The following TMPRSS11A variants were observed in gnomAD, a reference collection of about 807,000 sequenced individuals.
TMPRSS11A encodes transmembrane serine protease 11A, also known as transmembrane protease serine 11A.
Under a neutral mutation model 58.9 loss-of-function variants are expected in TMPRSS11A, and 53 were observed. The ratio of observed to expected loss-of-function variants is 0.90; its 90% CI spans 0.72 to 1.13. The LOEUF (loss-of-function observed/expected upper bound fraction) is 1.13. Ranked by LOEUF, TMPRSS11A falls within the 50% of genes most tolerant of loss-of-function variation. The probability of loss-of-function intolerance (pLI) is 0.00; values close to 1 mark genes in which losing one functional copy is unlikely to be tolerated. For missense variants in TMPRSS11A, 493 were observed against 499.3 expected, an observed-to-expected ratio of 0.99 and a Z score of 0.12; for synonymous variants, 167 against 169.8, an observed-to-expected ratio of 0.98 and a Z score of 0.13.
At chr4:67,923,209 A>G (rs1401020193) in intron 6 of TMPRSS11A, among the ~76,000 whole-genome samples, 1 of 152,114 alleles carries the variant, frequency 6.6e-6, no homozygotes, top group Non-Finnish European at 1.5e-5. Flanking sequence ...TGATTTATTT[A>G]TATCTTTCTC....
intron 9 of TMPRSS11A, among the ~76,000 whole-genome samples, chr4:67,912,287 C>G (rs1356016551): frequency 6.6e-6 from 1 of 151,188 alleles, no homozygotes; most frequent in African/African-American, 2.4e-5. Context: ...TATCAACACA[C>G]ACACACACAC....
At chr4:67,948,876 T>C (rs1428626641) in intron 1 of TMPRSS11A, among the ~76,000 whole-genome samples, 1 of 152,132 alleles carries the variant, frequency 6.6e-6, no homozygotes, top group African/African-American at 2.4e-5. Flanking sequence ...TCCAGTATAA[T>C]AGAACTACTA....
chr4:67,938,177 G>A (rs1720797011), intron 3 of TMPRSS11A, among the ~76,000 whole-genome samples: 2 of 152,136 alleles, frequency 1.3e-5, no homozygotes, highest in Admixed American at 6.5e-5. Flanking sequence ...TTGTTCATAT[G>A]TTTCTTGACT....
At chr4:67,912,886 G>A (rs73825611) in intron 9 of TMPRSS11A, among the ~76,000 whole-genome samples, 4,426 of 151,704 alleles carry the variant, frequency 0.029, 210 homozygotes, top group African/African-American at 0.1. Context: ...TTTTTATATT[G>A]TACACTCGCG....
intron 2 of TMPRSS11A, among the ~76,000 whole-genome samples, chr4:67,945,029 G>C (rs1190329283): frequency 6.6e-6 from 1 of 152,148 alleles, no homozygotes; most frequent in Non-Finnish European, 1.5e-5. Context: ...TTGCTACATT[G>C]CTCCTTGCTG....
At chr4:67,915,379 A>G (rs1207758535) in intron 8 of TMPRSS11A, among the ~76,000 whole-genome samples, 1 of 152,106 alleles carries the variant, frequency 6.6e-6, no homozygotes, top group Non-Finnish European at 1.5e-5. Context: ...CAAACCATAT[A>G]TTGATTGGGA....
At chr4:67,933,287 T>G (rs577116301) in intron 3 of TMPRSS11A, among the ~76,000 whole-genome samples, 14 of 152,290 alleles carry the variant, frequency 9.2e-5, no homozygotes, top group African/African-American at 3.4e-4. Context: ...CTGTTAGAAA[T>G]CTGTGACTCA....
At chr4:67,922,475 TTG>T (rs1182818494) in intron 7 of TMPRSS11A, among the ~76,000 whole-genome samples, 2 of 152,218 alleles carry the variant, frequency 1.3e-5, no homozygotes, top group African/African-American at 4.8e-5. Flanking sequence ...AGTGAATATT[TTG>T]TGTTAGGATG....
chr4:67,920,544 TATATA>T lies in TMPRSS11A; in HGVS notation c.693-1317_693-1313del, dbSNP rs1393511302. Reference sequence around the variant, plus strand: ...TGAGGTAATTATATATATATATATATATATATTTTTTTTTATATATACACACACAC... The same window carrying T: ...TGAGGTAATTATATATATATATATATTTTTTTTTTATATATACACACACAC... On this transcript the variant is annotated intron_variant, in intron 7 of 9. Transcript: ENST00000508048. Among the ~76,000 whole-genome samples the T allele has an allele frequency of 9.5e-4, 80 of 83,948 alleles. 1 individual carries two copies. Among genetic ancestry groups the T allele is most frequent in the African/African-American group, 3.7e-3 (76 of 20,302 alleles). The allele number at this position is 83,948 out of a possible 152,430, so 55.1% of individuals were successfully genotyped here.
Position 67,930,039 on chromosome 4 carries a change from G to A in TMPRSS11A, c.322C>T (p.Pro108Ser). The part of the protein sequence containing the change: ...YIKNQVVRLT[P>S]EEDGVKVDVI... ...TCTACTTTCACACCATCTTCCTCTGGACTGTGACACACAAAAGAAAGGTAC... is the reference window on the plus strand; with the variant it reads ...TCTACTTTCACACCATCTTCCTCTGAACTGTGACACACAAAAGAAAGGTAC... Residue 108 changes from proline (P) to serine (S), a missense_variant and splice_region_variant, in exon 5 of 10, where the codon CCA becomes TCA. Transcript: ENST00000508048. 6.2e-7 allele frequency: 1 copy of A among 1,604,992 alleles called. No homozygotes were observed. The highest frequency in any genetic ancestry group is 8.5e-7 in the Non-Finnish European group (1 of 1,174,216).
chr4:67,939,256 C>T (rs143646754), intron 3 of TMPRSS11A, among the ~76,000 whole-genome samples: 1,656 of 152,240 alleles, frequency 0.011, 27 homozygotes, highest in African/African-American at 0.037. Context: ...GAATTTTGTA[C>T]ATTGATTTTG....
At chr4:67,933,964 A>G (rs542501453) in intron 3 of TMPRSS11A, among the ~76,000 whole-genome samples, 5 of 152,306 alleles carry the variant, frequency 3.3e-5, no homozygotes, top group African/African-American at 1.2e-4. Flanking sequence ...GACATCATCA[A>G]TCTGGCACCG....
At chr4:67,957,710 G>T (rs1461615030) in intron 1 of TMPRSS11A, among the ~76,000 whole-genome samples, 1 of 152,166 alleles carries the variant, frequency 6.6e-6, no homozygotes, top group African/African-American at 2.4e-5. Context: ...GCCGGCTGCA[G>T]AAATTTGCAT....
rs990677146 is a variant in TMPRSS11A, at chr4:67,909,757, AAT to A, written c.*1583_*1584del. 1.3e-5 allele frequency: 2 copies of A among 152,220 alleles called. No individual in the cohort carries two copies. The highest frequency in any genetic ancestry group is 4.8e-5 in the African/African-American group (2 of 41,578). The allele number at this position is 152,220 out of a possible 1,614,324, so 9.4% of individuals were successfully genotyped here. On this transcript the variant is annotated 3_prime_UTR_variant, in exon 10 of 10. Coordinates refer to ENST00000508048, the MANE Select transcript of TMPRSS11A (RefSeq NM_001114387.2). Reference sequence around the variant, plus strand: ...TTTACAGATCTGATGATTCAATAAAAATAGTTAAGAATTCAATAAAAATAGTT... The same window carrying A: ...TTTACAGATCTGATGATTCAATAAAAAGTTAAGAATTCAATAAAAATAGTT...
intron 1 of TMPRSS11A, among the ~76,000 whole-genome samples, chr4:67,958,877 C>A (rs1721354638): frequency 6.6e-6 from 1 of 152,148 alleles, no homozygotes; most frequent in South Asian, 2.1e-4. Context: ...CTTTCCTATG[C>A]TATTCTTGTG....
At chr4:67,925,866 A>G (rs141550752) in intron 5 of TMPRSS11A, among the ~76,000 whole-genome samples, 100 of 152,328 alleles carry the variant, frequency 6.6e-4, no homozygotes, top group African/African-American at 2.4e-3. Context: ...GGTCGTGAAT[A>G]TAACCGGATT....
rs190490598 is a variant in TMPRSS11A, at chr4:67,954,511, C to G, written c.12-7940G>C. Among the ~76,000 whole-genome samples, 3 of 152,350 alleles carry G rather than the reference C, an allele frequency of 2.0e-5. No individual in the cohort carries two copies. The East Asian group carries it at 5.8e-4, about 29-fold the overall frequency. On this transcript the variant is annotated intron_variant, in intron 1 of 9. Coordinates refer to ENST00000508048, the MANE Select transcript of TMPRSS11A (RefSeq NM_001114387.2). ...CCCTCACTCAGTTAAAGGTCCCTCTCTAGCTGTATCCTGAGCTATGACTGG... is the reference window on the plus strand; with the variant it reads ...CCCTCACTCAGTTAAAGGTCCCTCTGTAGCTGTATCCTGAGCTATGACTGG...
In TMPRSS11A at chr4:67,960,374, C is replaced by T. The variant is rs571410380; in HGVS notation, c.11+3009G>A. Among the ~76,000 whole-genome samples, 21 of 152,244 alleles carry T rather than the reference C, an allele frequency of 1.4e-4. No individual in the cohort carries two copies. The East Asian group carries it at 2.5e-3, about 18-fold the overall frequency. ...AGAAAGAAAGTCAAGTTACCCTATT[C>T]GTTAAACTCAGGCTCTGGCTCTATT... is the stretch of plus-strand genomic sequence containing the variant. On this transcript the variant is annotated intron_variant, in intron 1 of 9. Coordinates refer to ENST00000508048, the MANE Select transcript of TMPRSS11A (RefSeq NM_001114387.2).
rs528123586 is a variant in TMPRSS11A at position 67,949,591 on chromosome 4, G to C, written c.12-3020C>G. ...AAATGTATCACCACCGGGCATGGTGGCTCACTCTTGTAATCCCAGCACTTT... is the reference window on the plus strand; with the variant it reads ...AAATGTATCACCACCGGGCATGGTGCCTCACTCTTGTAATCCCAGCACTTT... On this transcript the variant is annotated intron_variant, in intron 1 of 9. Transcript: ENST00000508048. Among the ~76,000 whole-genome samples the C allele has an allele frequency of 2.6e-5, 4 of 152,318 alleles. No individual in the cohort carries two copies. The South Asian group carries it at 8.3e-4, about 32-fold the overall frequency.
Sources: allele counts gnomAD v4.1 joint callset (sites outside exome capture counted in the v4.1 genomes callset), GRCh38; gene constraint gnomAD v4.1.1; transcripts MANE v1.5; gene names NCBI Gene and HGNC (gene_info 2026-07-23, HGNC 2026-07-21).